The following TFCP2L1 variants were observed in gnomAD, a reference collection of about 807,000 sequenced individuals.
TFCP2L1 encodes the protein transcription factor CP2 like 1.
Under a neutral mutation model 72.2 loss-of-function variants are expected in TFCP2L1, and 12 were observed. That is an observed-to-expected ratio of 0.17 (90% CI 0.11 to 0.27). The LOEUF is 0.27. Among genes scored for constraint, TFCP2L1 ranks in the 10% least tolerant of loss-of-function variants. TFCP2L1 has a pLI of 1.00. For missense variants in TFCP2L1, 488 were observed against 624.6 expected, an observed-to-expected ratio of 0.78 and a Z score of 2.33; for synonymous variants, 260 against 251.0, an observed-to-expected ratio of 1.04 and a Z score of -0.34.
chr2:121,247,032 C>G, intron 5 of TFCP2L1, 62 bp from the exon 6 acceptor site: 1 of 1,591,180 alleles, frequency 6.3e-7, no homozygotes, highest in Non-Finnish European at 8.6e-7. Context: ...CCTGGATCCC[C>G]CAAGCGCCCC....
intron 2 of TFCP2L1, among the ~76,000 whole-genome samples, chr2:121,274,608 C>T (rs1223872716): frequency 1.3e-5 from 2 of 152,146 alleles, no homozygotes; most frequent in Non-Finnish European, 1.5e-5. Flanking sequence ...ATCCAAAATA[C>T]TTCCAATCCC....
At chr2:121,245,491 A>G (rs1188333102) in intron 6 of TFCP2L1, among the ~76,000 whole-genome samples, 1 of 152,180 alleles carries the variant, frequency 6.6e-6, no homozygotes, top group Non-Finnish European at 1.5e-5. Flanking sequence ...CTCTGCCAGG[A>G]AAGACAAACA....
At chr2:121,282,257 G>A (rs1687278598) in intron 1 of TFCP2L1, among the ~76,000 whole-genome samples, 1 of 148,546 alleles carries the variant, frequency 6.7e-6, no homozygotes, top group South Asian at 2.1e-4. Flanking sequence ...ATCCAAGTGG[G>A]AAATCTTGAA....
At chr2:121,242,720 G>A (rs1686403085) in intron 6 of TFCP2L1, among the ~76,000 whole-genome samples, 1 of 152,192 alleles carries the variant, frequency 6.6e-6, no homozygotes, top group African/African-American at 2.4e-5. Context: ...CTTATGAAAA[G>A]GAAGCTTGGG....
At chr2:121,243,180 A>C (rs1573370189) in intron 6 of TFCP2L1, among the ~76,000 whole-genome samples, 1 of 152,234 alleles carries the variant, frequency 6.6e-6, no homozygotes, top group African/African-American at 2.4e-5. Flanking sequence ...GAGCATGTGC[A>C]TCTTATGACC....
At chr2:121,282,361 C>T (rs1434200977) in intron 1 of TFCP2L1, among the ~76,000 whole-genome samples, 7 of 145,036 alleles carry the variant, frequency 4.8e-5, no homozygotes, top group African/African-American at 1.8e-4. Context: ...CATCATCCTG[C>T]GACTTAGGGA....
intron 2 of TFCP2L1, among the ~76,000 whole-genome samples, chr2:121,266,631 G>A (rs74922447): frequency 0.036 from 5,451 of 152,168 alleles, 152 homozygotes; most frequent in East Asian, 0.14. Context: ...TTCCAGATGG[G>A]TCATCAAGTC....
intron 13 of TFCP2L1, among the ~76,000 whole-genome samples, chr2:121,231,465 C>A (rs1193600469): frequency 1.3e-5 from 2 of 152,210 alleles, no homozygotes; most frequent in Non-Finnish European, 2.9e-5. Context: ...CCAACACCTG[C>A]CCCGGAGTCC....
At chr2:121,233,702 T>C (rs926391522) in intron 12 of TFCP2L1, among the ~76,000 whole-genome samples, 1 of 152,188 alleles carries the variant, frequency 6.6e-6, no homozygotes, top group Non-Finnish European at 1.5e-5. Context: ...GCAGGAAGGC[T>C]GACAGCCACG....
intron 2 of TFCP2L1, among the ~76,000 whole-genome samples, chr2:121,277,015 T>C (rs1010654705): frequency 6.6e-6 from 1 of 151,342 alleles, no homozygotes; most frequent in Admixed American, 6.6e-5. Context: ...TTAAATGGCC[T>C]GCAACCATCA....
rs10603088 is a variant in TFCP2L1 at position 121,263,469 on chromosome 2, CAAAAAAAAA to C, written c.215-13831_215-13823del. 3.7e-4 allele frequency among the ~76,000 whole-genome samples: 25 copies of C among 67,494 alleles called. 1 individual carries two copies. The highest frequency in any genetic ancestry group is 1.1e-3 in the Admixed American group (6 of 5,700). The allele number at this position is 67,494 out of a possible 152,430, so 44.3% of individuals were successfully genotyped here. The stretch of plus-strand genomic sequence containing the variant: ...ATGGATATCAACTGTCTGTTTTTGG[CAAAAAAAAA>C]AAAAAAAAAAAAAAAGGGCATACAA... On this transcript the variant is annotated intron_variant, in intron 2 of 14. Coordinates refer to ENST00000263707, the MANE Select transcript of TFCP2L1 (RefSeq NM_014553.3).
chr2:121,230,232 C>CA (rs1284557356), intron 13 of TFCP2L1, among the ~76,000 whole-genome samples: 22 of 152,148 alleles, frequency 1.4e-4, no homozygotes, highest in Admixed American at 6.5e-5. Context: ...AGTGCAATGG[C>CA]ATGATCTCAG....
At chr2:121,228,601 A>G (rs1035557634) in intron 13 of TFCP2L1, among the ~76,000 whole-genome samples, 2 of 129,138 alleles carry the variant, frequency 1.5e-5, no homozygotes, top group African/African-American at 6.4e-5. Context: ...CTCTACAAAA[A>G]ATTAAAAAAA....
intron 10 of TFCP2L1, 110 bp from the exon 11 acceptor site, chr2:121,235,421 C>T: frequency 9.6e-7 from 1 of 1,043,688 alleles, no homozygotes; most frequent in Non-Finnish European, 1.5e-6. Context: ...GGGGAAGAGC[C>T]AGCTGCACTA....
chr2:121,230,856 A>G (rs111405359), intron 13 of TFCP2L1, among the ~76,000 whole-genome samples: 2,995 of 152,258 alleles, frequency 0.02, 113 homozygotes, highest in African/African-American at 0.067. Context: ...CAGGAGGATC[A>G]CTTGAGCCCA....
intron 2 of TFCP2L1, among the ~76,000 whole-genome samples, chr2:121,270,600 T>C (rs1428418064): frequency 6.6e-6 from 1 of 152,200 alleles, no homozygotes; most frequent in Non-Finnish European, 1.5e-5. Context: ...GAACAAGCTA[T>C]ACAACAGCCA....
intron 2 of TFCP2L1, among the ~76,000 whole-genome samples, chr2:121,262,875 T>C (rs1573386823): frequency 6.6e-6 from 1 of 152,354 alleles, no homozygotes; most frequent in East Asian, 1.9e-4. Context: ...ATAACCATTT[T>C]TTAAATTGTT....
chr2:121,236,918 C>T (rs1216407288), intron 10 of TFCP2L1, among the ~76,000 whole-genome samples: 1 of 152,226 alleles, frequency 6.6e-6, no homozygotes, highest in Non-Finnish European at 1.5e-5. Context: ...TCTGTACTGA[C>T]TTACAGCTAC....
At chr2:121,269,095 T>G (rs958067156) in intron 2 of TFCP2L1, among the ~76,000 whole-genome samples, 2 of 151,546 alleles carry the variant, frequency 1.3e-5, no homozygotes, top group Non-Finnish European at 2.9e-5. Flanking sequence ...AAATGGGACA[T>G]GAAATACAAA....
Sources: gnomAD v4.1 joint callset for allele counts (sites outside exome capture counted in the v4.1 genomes callset) on GRCh38, gnomAD v4.1.1 for gene constraint, MANE v1.5 for transcripts, NCBI Gene and HGNC (gene_info 2026-07-23, HGNC 2026-07-21) for gene names.